The following CADM1 variants were observed in gnomAD, a reference collection of about 807,000 sequenced individuals.
CADM1 encodes the protein TSLC-1.
A neutral mutation model predicts 53.1 loss-of-function variants in CADM1; 15 were observed. The observed-to-expected ratio is 0.28, with a 90% CI of 0.19 to 0.44. The LOEUF (loss-of-function observed/expected upper bound fraction) is 0.44. CADM1 is among the 20% of genes least tolerant of loss of function. The pLI is 1.00. For missense variants in CADM1, 434 were observed against 611.3 expected (o/e 0.71, Z 3.06); for synonymous variants, 281 against 243.0 (o/e 1.16, Z -1.45).
intron 1 of CADM1, among the ~76,000 whole-genome samples, chr11:115,432,962 G>T (rs1422644476): frequency 6.6e-6 from 1 of 152,160 alleles, no homozygotes; most frequent in African/African-American, 2.4e-5. Context: ...TCACAACCAG[G>T]TGAACAAAAG....
chr11:115,485,798 C>T (rs151129375), intron 1 of CADM1, among the ~76,000 whole-genome samples: 86 of 152,302 alleles, frequency 5.6e-4, no homozygotes, highest in African/African-American at 1.9e-3. Flanking sequence ...CGCTAAGACA[C>T]ATCTCTTTGC....
intron 1 of CADM1, among the ~76,000 whole-genome samples, chr11:115,466,354 C>T (rs1316350659): frequency 6.6e-6 from 1 of 152,134 alleles, no homozygotes; most frequent in Admixed American, 6.5e-5. Flanking sequence ...ATTAGTAAAC[C>T]GGAAAATATT....
At chr11:115,269,161 G>A (rs757574260) in intron 1 of CADM1, among the ~76,000 whole-genome samples, 2 of 152,098 alleles carry the variant, frequency 1.3e-5, no homozygotes, top group Non-Finnish European at 2.9e-5. Context: ...TCCACATGCT[G>A]TCATTCAAGC....
chr11:115,350,154 A>G (rs1986100), intron 1 of CADM1, among the ~76,000 whole-genome samples: 38,074 of 151,948 alleles, frequency 0.25, 5,230 homozygotes, highest in East Asian at 0.47. Context: ...TATTTTTAGT[A>G]GAGATGGGGT....
chr11:115,433,005 T>C (rs1270142072), intron 1 of CADM1, among the ~76,000 whole-genome samples: 1 of 152,184 alleles, frequency 6.6e-6, no homozygotes, highest in East Asian at 1.9e-4. Flanking sequence ...TTCCAAATCA[T>C]GGTTACCAAC....
At chr11:115,360,774 G>T (rs559506179) in intron 1 of CADM1, among the ~76,000 whole-genome samples, 1 of 152,152 alleles carries the variant, frequency 6.6e-6, no homozygotes, top group East Asian at 1.9e-4. Flanking sequence ...TCACAGGAGT[G>T]CCAACTGTGA....
At chr11:115,220,443 A>T (rs1941362490) in intron 5 of CADM1, among the ~76,000 whole-genome samples, 1 of 152,200 alleles carries the variant, frequency 6.6e-6, no homozygotes, top group African/African-American at 2.4e-5. Flanking sequence ...ACTAAATCAC[A>T]AAAAATACAC....
intron 1 of CADM1, among the ~76,000 whole-genome samples, chr11:115,360,013 T>C (rs1945985358): frequency 6.6e-6 from 1 of 152,210 alleles, no homozygotes; most frequent in Non-Finnish European, 1.5e-5. Flanking sequence ...CCATTCATTG[T>C]TCACCTACTA....
chr11:115,327,698 CG>C (rs1440340473), intron 1 of CADM1, among the ~76,000 whole-genome samples: 4 of 152,068 alleles, frequency 2.6e-5, no homozygotes, highest in African/African-American at 9.7e-5. Context: ...GTTCAAAATA[CG>C]GCACTATCTC....
At chr11:115,401,714 T>C (rs555220614) in intron 1 of CADM1, among the ~76,000 whole-genome samples, 17 of 152,326 alleles carry the variant, frequency 1.1e-4, no homozygotes, top group African/African-American at 3.8e-4. Flanking sequence ...TACTGTATAA[T>C]GATGAATATG....
intron 1 of CADM1, among the ~76,000 whole-genome samples, chr11:115,483,322 T>C (rs1949297935): frequency 6.6e-6 from 1 of 152,242 alleles, no homozygotes; most frequent in African/African-American, 2.4e-5. Context: ...TAATGTTTTT[T>C]TCACATTTCA....
At chr11:115,355,274 C>T (rs913305188) in intron 1 of CADM1, among the ~76,000 whole-genome samples, 1 of 151,960 alleles carries the variant, frequency 6.6e-6, no homozygotes. Flanking sequence ...GAATACTATG[C>T]AGCTATAAAA....
At chr11:115,338,941 T>C (rs928365884) in intron 1 of CADM1, among the ~76,000 whole-genome samples, 4 of 144,738 alleles carry the variant, frequency 2.8e-5, no homozygotes, top group African/African-American at 1.0e-4. Flanking sequence ...CATGTGCACA[T>C]TGTGCAGGTT....
At chr11:115,287,911 A>G (rs1408603311) in intron 1 of CADM1, among the ~76,000 whole-genome samples, 2 of 152,180 alleles carry the variant, frequency 1.3e-5, no homozygotes, top group Non-Finnish European at 2.9e-5. Context: ...TAAAGATGGG[A>G]GTCAGGCCAT....
At position 115,174,054 on chromosome 11, in the gene CADM1, CTTTGT is replaced by C. The variant is rs146578987; in HGVS notation, c.*2415_*2419del. On this transcript the variant is annotated 3_prime_UTR_variant, in exon 12 of 12. Coordinates refer to ENST00000331581, the MANE Select transcript of CADM1 (RefSeq NM_001301043.2). ...TAAAATCCATAATTTCCTGTTTTTG[CTTTGT>C]TTTATTATTATTTTTTCCAATGTGT... The C allele has an allele frequency of 2.3e-3, 2,265 of 980,324 alleles. 32 individuals carry two copies. The African/African-American group carries it at 0.031, about 14-fold the overall frequency. 60.7% of individuals were successfully genotyped at this position (980,324 alleles called of 1,614,324 possible).
rs1370224015 is a variant in CADM1 at position 115,176,554 on chromosome 11, C to T, written c.1336G>A (p.Ala446Thr). Residue 446 changes from alanine (A) to threonine (T), a missense_variant, in exon 12 of 12, where the codon GCA becomes ACA. Coordinates refer to ENST00000331581, the MANE Select transcript of CADM1 (RefSeq NM_001301043.2). ...ATTATAGCTGTGTCTGCGTCTGCTG[C>T]GTCATCGGCTCCTTTGGCTTCATGA... ...FTHEAKGADDAADADTAIINA... is the reference protein window; with the variant it reads ...FTHEAKGADDTADADTAIINA... 4 of 1,614,034 alleles carry T rather than the reference C, an allele frequency of 2.5e-6. No individual in the cohort carries two copies. The highest frequency in any genetic ancestry group is 2.2e-5 in the East Asian group (1 of 44,866).
chr11:115,224,911 GCAC>G (rs1941546049), intron 5 of CADM1, among the ~76,000 whole-genome samples: 2 of 152,182 alleles, frequency 1.3e-5, no homozygotes, highest in South Asian at 4.1e-4. Flanking sequence ...GTAAATTTGG[GCAC>G]CACCACCTGT....
intron 2 of CADM1, among the ~76,000 whole-genome samples, chr11:115,238,883 T>TATATATATATGCACAC (rs1942111117): frequency 6.8e-6 from 1 of 147,100 alleles, no homozygotes; most frequent in African/African-American, 2.7e-5. Flanking sequence ...TATGCACACA[T>TATATATATATGCACAC]ATATATATAT....
intron 1 of CADM1, among the ~76,000 whole-genome samples, chr11:115,357,937 AG>A (rs1360385808): frequency 6.6e-6 from 1 of 152,232 alleles, no homozygotes; most frequent in Admixed American, 6.5e-5. Context: ...GACAGACACT[AG>A]ATAATTACTT....
Sources: gnomAD v4.1 joint callset for allele counts (sites outside exome capture counted in the v4.1 genomes callset) on GRCh38, gnomAD v4.1.1 for gene constraint, MANE v1.5 for transcripts, NCBI Gene and HGNC (gene_info 2026-07-23, HGNC 2026-07-21) for gene names.